The following CEP112 variants were observed in gnomAD, a reference collection of about 807,000 sequenced individuals.
CEP112 encodes the protein centrosomal protein of 112 kDa.
CEP112 carries 127 observed loss-of-function variants against 153.0 expected under a neutral mutation model. The observed-to-expected ratio is 0.83, with a 90% confidence interval of 0.72 to 0.96. The LOEUF is 0.96. Ranked by LOEUF, CEP112 falls within the 40% of genes least tolerant of loss-of-function variation. CEP112 has a pLI of 0.00. For synonymous variants in CEP112, 358 were observed against 374.4 expected (o/e 0.96, Z 0.51); for missense variants, 1,089 against 1,101.2 (o/e 0.99, Z 0.16).
At chr17:66,063,966 T>A (rs1461741270) in intron 10 of CEP112, among the ~76,000 whole-genome samples, 1 of 152,114 alleles carries the variant, frequency 6.6e-6, no homozygotes, top group African/African-American at 2.4e-5. Flanking sequence ...ATCCTTAGAC[T>A]CTCAACTGAA....
At chr17:66,035,679 A>G (rs545883953) in intron 12 of CEP112, among the ~76,000 whole-genome samples, 1 of 152,312 alleles carries the variant, frequency 6.6e-6, no homozygotes, top group African/African-American at 2.4e-5. Flanking sequence ...CAAGATGTAT[A>G]AACGGCATAG....
intron 21 of CEP112, among the ~76,000 whole-genome samples, chr17:65,804,079 T>C (rs1320683586): frequency 6.6e-6 from 1 of 152,134 alleles, no homozygotes; most frequent in Non-Finnish European, 1.5e-5. Context: ...TGAAACCTCA[T>C]CCAGAAGAAT....
At chr17:65,742,916 A>G in intron 23 of CEP112, 152 bp downstream of exon 23, 3 of 549,182 alleles carry the variant, frequency 5.5e-6, no homozygotes, top group East Asian at 3.2e-5. Context: ...GTCACTGGAT[A>G]CATCAAAGGT....
chr17:65,872,304 T>C (rs1311872980), intron 20 of CEP112, among the ~76,000 whole-genome samples: 1 of 152,066 alleles, frequency 6.6e-6, no homozygotes, highest in African/African-American at 2.4e-5. Flanking sequence ...TATAAATAGC[T>C]CTATAATAAA....
intron 21 of CEP112, among the ~76,000 whole-genome samples, chr17:65,800,090 C>T (rs1379979753): frequency 6.6e-6 from 1 of 152,132 alleles, no homozygotes; most frequent in Non-Finnish European, 1.5e-5. Context: ...TACTAACTGC[C>T]TTTTCTTCCA....
chr17:65,754,044 A>T (rs1049706597), intron 21 of CEP112, among the ~76,000 whole-genome samples: 8 of 152,244 alleles, frequency 5.3e-5, no homozygotes, highest in Admixed American at 3.9e-4. Flanking sequence ...TTTATGAAAC[A>T]TCTAGAGAGT....
chr17:65,786,929 A>C (rs2054309754), intron 21 of CEP112, among the ~76,000 whole-genome samples: 1 of 152,028 alleles, frequency 6.6e-6, no homozygotes, highest in Non-Finnish European at 1.5e-5. Context: ...ACACATGCCA[A>C]ATTTCTATGG....
intron 26 of CEP112, among the ~76,000 whole-genome samples, chr17:65,636,383 T>C (rs2044769999): frequency 1.3e-5 from 2 of 152,188 alleles, no homozygotes; most frequent in South Asian, 4.1e-4. Flanking sequence ...ACTGAGCTGT[T>C]GGTCTATTCT....
Position 66,029,136 on chromosome 17 carries a change from A to G in CEP112, c.1490T>C (p.Leu497Pro). ...DINLLKQEHA[L>P]SASKASSMIE... is the part of the protein sequence containing the mutation. ...CATAAATAATACCTTAGAAGCTGAAAGAGCATGTTCTTGTTTTAGAAGGTT... is the reference window on the plus strand; with the variant it reads ...CATAAATAATACCTTAGAAGCTGAAGGAGCATGTTCTTGTTTTAGAAGGTT... Residue 497 changes from leucine to proline, a missense_variant, in exon 14 of 27, where the codon CTT becomes CCT. Coordinates refer to ENST00000535342, the MANE Select transcript of CEP112 (RefSeq NM_001199165.4). 1 of 1,601,400 alleles carries G rather than the reference A, an allele frequency of 6.2e-7. No homozygotes were observed. The highest frequency in any genetic ancestry group is 8.5e-7 in the Non-Finnish European group (1 of 1,170,564).
intron 1 of CEP112, among the ~76,000 whole-genome samples, chr17:66,188,071 G>A (rs144303452): frequency 7.2e-5 from 11 of 151,922 alleles, no homozygotes; most frequent in South Asian, 4.2e-4. Context: ...GAACTACTGC[G>A]GCAGCCTCAT....
At chr17:66,034,304 T>G (rs2065615428) in intron 12 of CEP112, among the ~76,000 whole-genome samples, 1 of 152,188 alleles carries the variant, frequency 6.6e-6, no homozygotes, top group Non-Finnish European at 1.5e-5. Context: ...TCAAAATGAT[T>G]TTTGCATGTT....
intron 19 of CEP112, among the ~76,000 whole-genome samples, chr17:65,919,520 A>G (rs1392126969): frequency 6.6e-6 from 1 of 152,218 alleles, no homozygotes; most frequent in African/African-American, 2.4e-5. Context: ...CTGAGAAAGT[A>G]GGCAAGAGTC....
chr17:65,840,053 G>A (rs2146208544), intron 21 of CEP112, among the ~76,000 whole-genome samples: 1 of 152,138 alleles, frequency 6.6e-6, no homozygotes, highest in Admixed American at 6.5e-5. Context: ...CTCATGGATT[G>A]GAAGAATTAA....
In CEP112 at chr17:65,637,203, T is replaced by C. The variant is rs765470314; in HGVS notation, c.2800-15A>G. ...AGAAAATTAACCTAGAAAAGACACC[T>C]TGTGTGAGAAGAGGTGGACGTGGCT... On this transcript the variant is annotated splice_polypyrimidine_tract_variant and intron_variant, in intron 25 of 26. Coordinates refer to ENST00000535342, the MANE Select transcript of CEP112 (RefSeq NM_001199165.4). The C allele has an allele frequency of 6.2e-7, 1 of 1,604,396 alleles. No homozygotes were observed. Among genetic ancestry groups the C allele is most frequent in the Middle Eastern group, 1.7e-4 (1 of 6,038 alleles).
intron 12 of CEP112, among the ~76,000 whole-genome samples, chr17:66,036,169 C>T (rs2065730580): frequency 6.6e-6 from 1 of 152,080 alleles, no homozygotes; most frequent in African/African-American, 2.4e-5. Flanking sequence ...ATAGTCAAAC[C>T]CATATAAACA....
At chr17:65,651,043 C>T (rs924112445) in intron 24 of CEP112, among the ~76,000 whole-genome samples, 4 of 152,134 alleles carry the variant, frequency 2.6e-5, no homozygotes, top group East Asian at 3.9e-4. Context: ...ATCACCTGAG[C>T]AGTGTACACT....
At chr17:66,107,807 T>C (rs2146351843) in intron 6 of CEP112, among the ~76,000 whole-genome samples, 1 of 152,168 alleles carries the variant, frequency 6.6e-6, no homozygotes, top group South Asian at 2.1e-4. Context: ...CTAACATTTA[T>C]ATGGAACCAA....
chr17:66,025,205 C>T (rs1267148299), intron 16 of CEP112, among the ~76,000 whole-genome samples: 1 of 152,058 alleles, frequency 6.6e-6, no homozygotes, highest in Non-Finnish European at 1.5e-5. Flanking sequence ...CTAGGGAAAA[C>T]TCTTCTGGAC....
Position 65,985,852 on chromosome 17 carries a change from T to TG in CEP112, c.1736+19837_1736+19838insC, listed in dbSNP as rs1178165620. ...AAGCTGAGATCAAGGGCTTTTGTTT[T>TG]TTTTTTTTTTAAGAAATCAAGTTTC... On this transcript the variant is annotated intron_variant, in intron 17 of 26. Coordinates refer to ENST00000535342, the MANE Select transcript of CEP112 (RefSeq NM_001199165.4). 4.6e-5 allele frequency among the ~76,000 whole-genome samples: 7 copies of TG among 151,294 alleles called. No homozygotes were observed. In the East Asian group the frequency reaches 5.8e-4, roughly 13 times the overall value.
Sources: gnomAD v4.1 joint callset for allele counts (sites outside exome capture counted in the v4.1 genomes callset) on GRCh38, gnomAD v4.1.1 for gene constraint, MANE v1.5 for transcripts, NCBI Gene and HGNC (gene_info 2026-07-23, HGNC 2026-07-21) for gene names.